RPS15A: variants seen among roughly 807,000 people sequenced by gnomAD.
The protein encoded by RPS15A is ribosomal protein S15a, also known as small ribosomal subunit protein uS8.
For synonymous variants in RPS15A, 55 were observed against 58.5 expected (o/e 0.94, Z 0.27); for missense variants, 62 against 163.4 (o/e 0.38, Z 3.38).
chr16:18,782,953 A>G lies in RPS15A; in HGVS notation c.*56T>C. ...CTGCTGTAAAGGCTCAAAACGACCA[A>G]GTGGAAGCACCAGAGTCCATGAGGC... On this transcript the variant is annotated 3_prime_UTR_variant, in exon 5 of 5. Coordinates refer to ENST00000322989, the MANE Select transcript of RPS15A (RefSeq NM_001019.5). 9.0e-7 allele frequency: 1 copy of G among 1,113,558 alleles called. No individual in the cohort carries two copies. The allele number at this position is 1,113,558 out of a possible 1,614,324, so 69.0% of individuals were successfully genotyped here.
In RPS15A at chr16:18,782,443, C is replaced by A. The variant is rs1379273056; in HGVS notation, c.*566G>T. 6.6e-6 allele frequency: 1 copy of A among 151,620 alleles called. No homozygotes were observed. Among genetic ancestry groups the A allele is most frequent in the African/African-American group, 2.4e-5 (1 of 41,210 alleles). 9.4% of individuals were successfully genotyped at this position (151,620 alleles called of 1,614,324 possible). A position where few individuals can be genotyped will look rare whatever the true frequency, so the allele number is the denominator to read the frequency against. Reference sequence around the variant, plus strand: ...CTAATAGAAAATACTGAAATATAGGCCAGGTGTAATGGCTCGTGGCTGTAA... The same window carrying A: ...CTAATAGAAAATACTGAAATATAGGACAGGTGTAATGGCTCGTGGCTGTAA... On this transcript the variant is annotated 3_prime_UTR_variant, in exon 5 of 5. Coordinates refer to ENST00000322989, the MANE Select transcript of RPS15A (RefSeq NM_001019.5).
Position 18,782,945 on chromosome 16 carries a change from A to T in RPS15A, c.*64T>A. On this transcript the variant is annotated 3_prime_UTR_variant, in exon 5 of 5. Transcript: ENST00000322989. ...TGGCTACACTGCTGTAAAGGCTCAA[A>T]ACGACCAAGTGGAAGCACCAGAGTC... The T allele has an allele frequency of 9.6e-7, 1 of 1,044,528 alleles. No individual in the cohort carries two copies. 64.7% of individuals were successfully genotyped at this position (1,044,528 alleles called of 1,614,324 possible).
chr16:18,788,439 A>C (rs1252617493), intron 2 of RPS15A: 3 of 368,748 alleles, frequency 8.1e-6, no homozygotes, highest in African/African-American at 6.3e-5. Context: ...GAAGTGCAAT[A>C]ATCCAATCTT....
rs976175561 is a variant in RPS15A, at chr16:18,782,841, T to C, written c.*168A>G. The C allele has an allele frequency of 1.8e-5, 10 of 543,506 alleles. No homozygotes were observed. Among genetic ancestry groups the C allele is most frequent in the Non-Finnish European group, 3.2e-5 (10 of 308,058 alleles). The allele number at this position is 543,506 out of a possible 1,614,324, so 33.7% of individuals were successfully genotyped here. A position where few individuals can be genotyped will look rare whatever the true frequency, so the allele number is the denominator to read the frequency against. On this transcript the variant is annotated 3_prime_UTR_variant, in exon 5 of 5. Transcript: ENST00000322989. The stretch of plus-strand genomic sequence containing the variant: ...AGGCATACTGGTTTCATAAGAACTT[T>C]TTCCCTTGGCTGTATTAGTCACTTC...
chr16:18,787,336 T>C (rs984070347), intron 3 of RPS15A, among the ~76,000 whole-genome samples: 1 of 152,224 alleles, frequency 6.6e-6, no homozygotes, highest in East Asian at 1.9e-4. Context: ...TTTCCATTTA[T>C]CACTAGAGAC....
In RPS15A at chr16:18,782,817, G is replaced by A. The variant is rs1207997158; in HGVS notation, c.*192C>T. The A allele has an allele frequency of 3.9e-6, 2 of 517,032 alleles. No individual in the cohort carries two copies. Among genetic ancestry groups the A allele is most frequent in the African/African-American group, 3.9e-5 (2 of 51,762 alleles). The allele number at this position is 517,032 out of a possible 1,614,324, so 32.0% of individuals were successfully genotyped here. On this transcript the variant is annotated 3_prime_UTR_variant, in exon 5 of 5. Coordinates refer to ENST00000322989, the MANE Select transcript of RPS15A (RefSeq NM_001019.5). The stretch of plus-strand genomic sequence containing the variant: ...AGACAGCAGGGGTGACTGTTTCTTA[G>A]GCATACTGGTTTCATAAGAACTTTT...
rs1483976117 is a variant in RPS15A at position 18,781,976 on chromosome 16, AC to A, written c.*1032del. On this transcript the variant is annotated 3_prime_UTR_variant, in exon 5 of 5. Transcript: ENST00000322989. ...CAGTGCCCATTGCACTTCAATGGGC[AC>A]CTGCAAGTGGCACCAGATTCTCTTG... The A allele has an allele frequency of 7.5e-6, 1 of 132,602 alleles. No individual in the cohort carries two copies. The highest frequency in any genetic ancestry group is 2.8e-5 in the African/African-American group (1 of 35,602). The allele number at this position is 132,602 out of a possible 1,614,324, so 8.2% of individuals were successfully genotyped here.
At chr16:18,790,062 G>C (rs1366688525) in intron 1 of RPS15A, 182 bp downstream of exon 1, 1 of 152,432 alleles carries the variant, frequency 6.6e-6, no homozygotes, top group Non-Finnish European at 1.5e-5. Flanking sequence ...CGCCTAGCTG[G>C]GCAGTCGAAG....
intron 1 of RPS15A, among the ~76,000 whole-genome samples, chr16:18,789,360 C>A (rs761191390): frequency 1.3e-5 from 2 of 152,248 alleles, no homozygotes; most frequent in Admixed American, 1.3e-4. Context: ...TCACTAACCA[C>A]TCTTCTTCGA....
At chr16:18,786,302 T>C (rs745525928) in intron 3 of RPS15A, 5 of 190,850 alleles carry the variant, frequency 2.6e-5, no homozygotes, top group South Asian at 2.4e-4. Context: ...GAGACAGAGG[T>C]TGCAGTAGCC....
chr16:18,788,016 G>T, intron 3 of RPS15A, 47 bp downstream of exon 3: 1 of 1,189,958 alleles, frequency 8.4e-7, no homozygotes, highest in Non-Finnish European at 1.3e-6. Context: ...TAACGCCACA[G>T]TAAAAAATTC....
rs977071477 is a variant in RPS15A at position 18,781,470 on chromosome 16, G to A, written c.*1539C>T. 3.3e-5 allele frequency: 5 copies of A among 151,256 alleles called. No homozygotes were observed. Among genetic ancestry groups the A allele is most frequent in the African/African-American group, 7.3e-5 (3 of 41,208 alleles). The allele number at this position is 151,256 out of a possible 1,614,324, so 9.4% of individuals were successfully genotyped here. On this transcript the variant is annotated 3_prime_UTR_variant, in exon 5 of 5. Transcript: ENST00000322989. ...TGTGATCCTAGGGCTTACAATGCTG[G>A]CATAAGAAAATCCTTCTGGACTCAC...
chr16:18,789,751 G>T (rs1159627034), intron 1 of RPS15A: 2 of 152,260 alleles, frequency 1.3e-5, no homozygotes, highest in Non-Finnish European at 2.9e-5. Context: ...ACACTACACT[G>T]AAGTTTTGAA....
At chr16:18,786,243 TA>T (rs1188199726) in intron 3 of RPS15A, 2 of 233,224 alleles carry the variant, frequency 8.6e-6, no homozygotes, top group Admixed American at 1.1e-4. Context: ...CACTCACCTG[TA>T]ATCTCAGCTA....
intron 4 of RPS15A, chr16:18,783,327 C>A (rs1387913041): frequency 1.1e-5 from 6 of 530,772 alleles, no homozygotes; most frequent in African/African-American, 1.9e-5. Flanking sequence ...TCACACAGCC[C>A]TGACTTCTGC....
chr16:18,788,081 G>C lies in RPS15A; in HGVS notation c.195C>G (p.Leu65=). The change falls in exon 3 of 5, where the codon CTC becomes CTG. Residue 65 remains leucine, a synonymous_variant. Transcript: ENST00000322989. Reference sequence around the variant, plus strand: ...TTCTTACCTTGTTTAGCCTGCCTGTGAGGTTCACAACAATTTTCCCAGCTC... The same window carrying C: ...TTCTTACCTTGTTTAGCCTGCCTGTCAGGTTCACAACAATTTTCCCAGCTC... ...DHRAGKIVVN[L]TGRLNKCGVI... 1 of 1,610,688 alleles carries C rather than the reference G, an allele frequency of 6.2e-7. No homozygotes were observed. The highest frequency in any genetic ancestry group is 8.5e-7 in the Non-Finnish European group (1 of 1,177,156).
rs1044723646 is a variant in RPS15A, at chr16:18,782,927, A to G, written c.*82T>C. ...ATGCTGCCGCAGAAGCTGTGGCTAC[A>G]CTGCTGTAAAGGCTCAAAACGACCA... is the stretch of plus-strand genomic sequence containing the variant. On this transcript the variant is annotated 3_prime_UTR_variant, in exon 5 of 5. Transcript: ENST00000322989. The G allele has an allele frequency of 6.1e-5, 48 of 782,098 alleles. No homozygotes were observed. The highest frequency in any genetic ancestry group is 9.8e-5 in the Non-Finnish European group (46 of 467,534). 48.4% of individuals were successfully genotyped at this position (782,098 alleles called of 1,614,324 possible).
intron 3 of RPS15A, chr16:18,785,073 G>A (rs1408177184): frequency 2.5e-5 from 10 of 393,486 alleles, no homozygotes; most frequent in African/African-American, 2.1e-4. Context: ...GGCAGTGTCA[G>A]GCCACTGGCG....
chr16:18,787,959 C>T, intron 3 of RPS15A, 104 bp downstream of exon 3: 5 of 747,622 alleles, frequency 6.7e-6, no homozygotes, highest in Non-Finnish European at 1.2e-5. Flanking sequence ...CTGGATAAAT[C>T]AAGTATGGCA....
Sources: gnomAD v4.1 joint callset for allele counts (sites outside exome capture counted in the v4.1 genomes callset) on GRCh38, gnomAD v4.1.1 for gene constraint, MANE v1.5 for transcripts, NCBI Gene and HGNC (gene_info 2026-07-23, HGNC 2026-07-21) for gene names.